Variants in POU2F2 observed in about 807,000 individuals in gnomAD.
POU2F2 encodes POU domain, class 2, transcription factor 2.
In POU2F2, 14 loss-of-function variants were observed where a neutral mutation model predicts 63.5. That is an observed-to-expected ratio of 0.22 (90% CI 0.15 to 0.34). The LOEUF is 0.34. Ranked by LOEUF, POU2F2 falls within the 10% of genes least tolerant of loss-of-function variation. The pLI is 1.00. For synonymous variants in POU2F2, 306 were observed against 348.6 expected (o/e 0.88, Z 1.36); for missense variants, 607 against 815.2 (o/e 0.74, Z 3.11).
In POU2F2 at chr19:42,162,610, G is replaced by C. The variant is rs1030771329; in HGVS notation, c.-69-2218C>G. On this transcript the variant is annotated intron_variant, in intron 1 of 6. Transcript: ENST00000524801. This position sits in a 1 kb window ranked among gnomAD's most constrained non-coding sequence, Gnocchi z 4.1. The stretch of plus-strand genomic sequence containing the variant: ...TGTTCACAGAGGGAAAGCAAGCTCA[G>C]GGTTTGGTCCTGGCCCCTCAAGTCT... Among the ~76,000 whole-genome samples, 2 of 152,174 alleles carry C rather than the reference G, an allele frequency of 1.3e-5. No individual in the cohort carries two copies. The highest frequency in any genetic ancestry group is 2.9e-5 in the Non-Finnish European group (2 of 68,026).
At position 42,117,437 on chromosome 19, in the gene POU2F2, G is replaced by T; in HGVS notation, c.187-5C>A. ...GAGGCCAGAGAGAATGCCCACCTGTGAACCAAAGAGAGGGCACGTGTGTGG... is the reference window on the plus strand; with the variant it reads ...GAGGCCAGAGAGAATGCCCACCTGTTAACCAAAGAGAGGGCACGTGTGTGG... On this transcript the variant is annotated splice_region_variant and splice_polypyrimidine_tract_variant and intron_variant, in intron 4 of 14. Coordinates refer to ENST00000692977, the MANE Select transcript of POU2F2 (RefSeq NM_001394376.1). The surrounding 1 kb of genome is among the most constrained non-coding windows in gnomAD (Gnocchi z 4.4). 2 of 1,097,102 alleles carry T rather than the reference G, an allele frequency of 1.8e-6. No individual in the cohort carries two copies. The highest frequency in any genetic ancestry group is 2.6e-6 in the Non-Finnish European group (2 of 754,950). The allele number at this position is 1,097,102 out of a possible 1,614,324, so 68.0% of individuals were successfully genotyped here.
At chr19:42,185,957 A>G (rs765909644) in intron 1 of POU2F2, among the ~76,000 whole-genome samples, 1 of 152,146 alleles carries the variant, frequency 6.6e-6, no homozygotes, top group Non-Finnish European at 1.5e-5. Flanking sequence ...TGGCACTATT[A>G]TGGCTCACTG....
intron 2 of POU2F2, among the ~76,000 whole-genome samples, chr19:42,145,118 C>G (rs2034204427): frequency 6.6e-6 from 1 of 152,170 alleles, no homozygotes; most frequent in Non-Finnish European, 1.5e-5. Flanking sequence ...ACTGCCAGAC[C>G]ACACCACCAG....
chr19:42,132,131 G>A (rs1019248609), intron 1 of POU2F2, among the ~76,000 whole-genome samples: 3 of 151,912 alleles, frequency 2.0e-5, no homozygotes, highest in African/African-American at 4.8e-5. Flanking sequence ...CCTCCCTCCC[G>A]TCCCCAGACC....
chr19:42,168,893 C>A (rs1012076834), intron 1 of POU2F2, among the ~76,000 whole-genome samples: 1 of 152,186 alleles, frequency 6.6e-6, no homozygotes, highest in Admixed American at 6.5e-5. Context: ...TTCCGTGATG[C>A]CCTCCTGTAG....
chr19:42,117,531 T>C lies in POU2F2; in HGVS notation c.187-99A>G. 1 of 587,356 alleles carries C rather than the reference T, an allele frequency of 1.7e-6. No individual in the cohort carries two copies. Among genetic ancestry groups the C allele is most frequent in the Non-Finnish European group, 3.0e-6 (1 of 336,424 alleles). 36.4% of individuals were successfully genotyped at this position (587,356 alleles called of 1,614,324 possible). A position where few individuals can be genotyped will look rare whatever the true frequency, so the allele number is the denominator to read the frequency against. On this transcript the variant is annotated intron_variant, in intron 4 of 14. Transcript: ENST00000692977. The surrounding 1 kb of genome is among the most constrained non-coding windows in gnomAD (Gnocchi z 4.4). Reference sequence around the variant, plus strand: ...GACATGAGGGTGCAGTCTGTGGTCCTGCACTGACCGCTGGGAGCTTCAAAC... The same window carrying C: ...GACATGAGGGTGCAGTCTGTGGTCCCGCACTGACCGCTGGGAGCTTCAAAC...
intron 1 of POU2F2, among the ~76,000 whole-genome samples, chr19:42,194,855 G>C (rs1225028983): frequency 2.3e-5 from 3 of 132,284 alleles, no homozygotes; most frequent in African/African-American, 8.7e-5. Flanking sequence ...AAGGGAGGGA[G>C]GGAAGGTGGA....
At chr19:42,177,712 A>T (rs1008999983), upstream of POU2F2, among the ~76,000 whole-genome samples, 1 of 151,664 alleles carries the variant, frequency 6.6e-6, no homozygotes, top group Non-Finnish European at 1.5e-5. Flanking sequence ...TAAGAGACAG[A>T]GGGGTAAGGG....
chr19:42,107,437 T>C (rs1232845672), intron 5 of POU2F2, among the ~76,000 whole-genome samples: 1 of 151,602 alleles, frequency 6.6e-6, no homozygotes. Flanking sequence ...TATGGGTTTC[T>C]TTATTAGCAC....
chr19:42,171,334 GAAT>G (rs2146801816), intron 1 of POU2F2, among the ~76,000 whole-genome samples: 2 of 152,226 alleles, frequency 1.3e-5, no homozygotes, highest in African/African-American at 4.8e-5. Context: ...GTCTGTGTGT[GAAT>G]AAGGGGATAG....
chr19:42,172,764 A>G (rs80128386), intron 1 of POU2F2, among the ~76,000 whole-genome samples: 13,484 of 152,236 alleles, frequency 0.089, 824 homozygotes, highest in Middle Eastern at 0.19. Context: ...AGCGAGACCC[A>G]CATCCTTAGA....
At chr19:42,182,645 A>G (rs1051204423) in intron 1 of POU2F2, among the ~76,000 whole-genome samples, 7 of 152,172 alleles carry the variant, frequency 4.6e-5, no homozygotes, top group African/African-American at 1.7e-4. Context: ...AAAGAGAGAA[A>G]GGAAGAGGAA....
At chr19:42,128,855 CAG>C (rs2033440173) in intron 1 of POU2F2, among the ~76,000 whole-genome samples, 1 of 150,338 alleles carries the variant, frequency 6.7e-6, no homozygotes, top group South Asian at 2.1e-4. Context: ...TTTTTTTAGA[CAG>C]AGTCTCACTC....
upstream of POU2F2, among the ~76,000 whole-genome samples, chr19:42,135,640 C>G (rs529912021): frequency 2.4e-3 from 372 of 151,968 alleles, 1 homozygote; most frequent in African/African-American, 8.7e-3. Context: ...CTTCTAGGCT[C>G]AAGCCTATTT....
At chr19:42,118,962 C>T (rs1175687831) in intron 4 of POU2F2, among the ~76,000 whole-genome samples, 1 of 152,028 alleles carries the variant, frequency 6.6e-6, no homozygotes, top group African/African-American at 2.4e-5. Context: ...AATGGCATGT[C>T]CCAAATTATG....
Position 42,091,885 on chromosome 19 carries a change from G to A in POU2F2, c.1522C>T (p.Pro508Ser). 1 of 1,539,316 alleles carries A rather than the reference G, an allele frequency of 6.5e-7. No homozygotes were observed. The highest frequency in any genetic ancestry group is 8.7e-7 in the Non-Finnish European group (1 of 1,146,902). ...GLSPALMSNN[P>S]LATIQALASG... Reference sequence around the variant, plus strand: ...CACGCACCTTGGATAGTGGCCAAAGGGTTGTTGCTCATGAGGGCTGGACTC... The same window carrying A: ...CACGCACCTTGGATAGTGGCCAAAGAGTTGTTGCTCATGAGGGCTGGACTC... The change falls in exon 14 of 15, where the codon CCT becomes TCT. Residue 508 changes from proline (P) to serine (S), a missense_variant. Pro to Ser is a moderately conservative substitution (Grantham distance 74, BLOSUM62 -1). Coordinates refer to ENST00000692977, the MANE Select transcript of POU2F2 (RefSeq NM_001394376.1).
intron 12 of POU2F2, among the ~76,000 whole-genome samples, chr19:42,093,108 T>G (rs979531197): frequency 1.3e-5 from 2 of 148,482 alleles, no homozygotes; most frequent in Admixed American, 6.8e-5. Flanking sequence ...CCTCCCGGAT[T>G]CAAGTGATTC....
chr19:42,116,897 C>A (rs575792803), intron 5 of POU2F2: 3 of 489,002 alleles, frequency 6.1e-6, no homozygotes, highest in Non-Finnish European at 1.2e-5. Context: ...GCGGCGGCAG[C>A]GGCGTTAGCG....
At position 42,191,260 on chromosome 19, in the gene POU2F2, G is replaced by A. The variant is rs114624457; in HGVS notation, c.-70+5123C>T. Among the ~76,000 whole-genome samples, 1,026 of 152,176 alleles carry A rather than the reference G, an allele frequency of 6.7e-3. 14 individuals carry two copies. Among genetic ancestry groups the A allele is most frequent in the African/African-American group, 0.023 (966 of 41,506 alleles). On this transcript the variant is annotated intron_variant, in intron 1 of 5. Transcript: ENST00000532176. The stretch of plus-strand genomic sequence containing the variant: ...CCTCCCTAAAAGAAGCACCAGCAGG[G>A]CATCAGAGAACAGAAAAAGAAAGCA...
Sources: gnomAD v4.1 joint callset for allele counts (sites outside exome capture counted in the v4.1 genomes callset) on GRCh38, gnomAD v4.1.1 for gene constraint, Gnocchi (gnomAD v3.1) non-coding constraint, MANE v1.5 for transcripts, NCBI Gene and HGNC (gene_info 2026-07-23, HGNC 2026-07-21) for gene names.